The following GREB1 variants were observed in gnomAD, a reference collection of about 807,000 sequenced individuals.
GREB1 encodes protein GREB1.
GREB1 carries 106 observed loss-of-function variants against 200.7 expected under a neutral mutation model. The observed-to-expected ratio is 0.53, with a 90% CI of 0.45 to 0.62. The LOEUF is 0.62. Ranked by LOEUF, GREB1 falls within the 20% of genes least tolerant of loss-of-function variation. The probability of loss-of-function intolerance (pLI) is 0.00; values close to 1 mark genes in which losing one functional copy is unlikely to be tolerated. For synonymous variants in GREB1, 1,132 were observed against 1,092.4 expected (o/e 1.04, Z -0.72); for missense variants, 2,243 against 2,556.8 (o/e 0.88, Z 2.65).
At chr2:11,620,816 A>T (rs1216297367) in intron 22 of GREB1, 89 bp from the exon 23 acceptor site, 1 of 733,198 alleles carries the variant, frequency 1.4e-6, no homozygotes, top group African/African-American at 1.7e-5. Context: ...AGTGAGGCAG[A>T]TGTCAGGAGC....
Position 11,593,066 on chromosome 2 carries a change from T to C in GREB1, c.1636T>C (p.Tyr546His). The change falls in exon 11 of 33, where the codon TAC (tyrosine) becomes CAC (histidine). Residue 546 changes from tyrosine (Y) to histidine (H), a missense_variant. By Grantham distance (83) the Tyr-to-His change is moderately conservative. Around this residue, in one of 3 missense-constraint regions of GREB1, gnomAD observed 1,178 missense variants for 1,387.4 expected, o/e 0.85. Transcript: ENST00000381486. Reference protein sequence around the residue: ...LVEGKLAKTNYVVIICACRSA... With the variant: ...LVEGKLAKTNHVVIICACRSA... ...CGAGGGCAAGCTTGCCAAGACCAAC[T>C]ACGTGGTCATCATCTGCGCCTGCCG... is the stretch of plus-strand genomic sequence containing the variant. 1.9e-6 allele frequency: 3 copies of C among 1,612,512 alleles called. No individual in the cohort carries two copies. Among genetic ancestry groups the C allele is most frequent in the Non-Finnish European group, 2.5e-6 (3 of 1,179,680 alleles).
intron 4 of GREB1, among the ~76,000 whole-genome samples, chr2:11,573,467 T>C (rs1678519982): frequency 6.6e-6 from 1 of 152,188 alleles, no homozygotes; most frequent in African/African-American, 2.4e-5. Context: ...TTTCTAGACT[T>C]TCAAGTCCTA....
chr2:11,635,050 G>A (rs1685199163), intron 29 of GREB1, among the ~76,000 whole-genome samples: 1 of 152,226 alleles, frequency 6.6e-6, no homozygotes, highest in Non-Finnish European at 1.5e-5. Context: ...GGTACACACT[G>A]CCTTTCCTGT....
chr2:11,597,926 T>C lies in GREB1; in HGVS notation c.2100T>C (p.Ile700=), dbSNP rs746461648. Residue 700 remains isoleucine (I), a synonymous_variant, in exon 14 of 33, where the codon ATT becomes ATC. Transcript: ENST00000381486. The surrounding 1 kb of genome is among the most constrained non-coding windows in gnomAD (Gnocchi z 4.1). ...SFEKVDFLIC[I]PPSEVTYQQT... Reference sequence around the variant, plus strand: ...AGAAGGTGGACTTTCTCATTTGCATTCCCCCCTCAGAAGTGACCTACCAGC... The same window carrying C: ...AGAAGGTGGACTTTCTCATTTGCATCCCCCCCTCAGAAGTGACCTACCAGC... The C allele has an allele frequency of 2.5e-6, 4 of 1,613,918 alleles. No individual in the cohort carries two copies. The African/African-American group carries it at 4.0e-5, about 16-fold the overall frequency.
At chr2:11,504,730 A>T (rs1159020031) in intron 1 of GREB1, among the ~76,000 whole-genome samples, 2 of 152,228 alleles carry the variant, frequency 1.3e-5, no homozygotes, top group East Asian at 3.8e-4. Flanking sequence ...GTATGGATAG[A>T]TCACATTTTG....
chr2:11,637,769 C>G lies in GREB1; in HGVS notation c.5400C>G (p.Asp1800Glu), dbSNP rs974104510. ...VVPAQYICAP[D>E]SKHTFLAAPA... Reference sequence around the variant, plus strand: ...CGGCCCAGTACATCTGTGCCCCGGACAGCAAGCACACGTTCCTCGCAGCGC... The same window carrying G: ...CGGCCCAGTACATCTGTGCCCCGGAGAGCAAGCACACGTTCCTCGCAGCGC... The change falls in exon 31 of 33, where the codon GAC becomes GAG. Residue 1800 changes from aspartate to glutamate, a missense_variant. Asp to Glu is a conservative substitution (Grantham distance 45, BLOSUM62 2). Coordinates refer to ENST00000381486, the MANE Select transcript of GREB1 (RefSeq NM_014668.4). 1 of 1,614,050 alleles carries G rather than the reference C, an allele frequency of 6.2e-7. No homozygotes were observed. The highest frequency in any genetic ancestry group is 8.5e-7 in the Non-Finnish European group (1 of 1,180,042).
intron 9 of GREB1, chr2:11,587,823 G>GGT (rs1680320209): frequency 1.9e-6 from 2 of 1,053,360 alleles, no homozygotes; most frequent in Non-Finnish European, 2.3e-6. Context: ...CGGAGACTGA[G>GGT]GTTTAGGGCA....
intron 13 of GREB1, 42 bp downstream of exon 13, chr2:11,596,281 AAGT>A (rs1393709425): frequency 1.9e-6 from 3 of 1,585,172 alleles, no homozygotes; most frequent in Non-Finnish European, 2.6e-6. Flanking sequence ...AGAGGGTACA[AAGT>A]AGTGATGAGG....
chr2:11,602,882 TTTG>T (rs146370871), intron 17 of GREB1, among the ~76,000 whole-genome samples: 3,250 of 152,346 alleles, frequency 0.021, 123 homozygotes, highest in African/African-American at 0.073. Flanking sequence ...CATAGTCAGC[TTTG>T]TTTTTATTTC....
At chr2:11,537,002 G>T (rs149956538) in intron 1 of GREB1, among the ~76,000 whole-genome samples, 15 of 151,778 alleles carry the variant, frequency 9.9e-5, no homozygotes, top group Non-Finnish European at 1.8e-4. Context: ...CACTCTTGTC[G>T]CCCAGGCTGG....
rs529473073 is a variant in GREB1 at position 11,578,320 on chromosome 2, G to T, written c.661G>T (p.Ala221Ser). Residue 221 changes from alanine (A) to serine (S), a missense_variant, in exon 6 of 33, where the codon GCC becomes TCC. This residue lies in a region of GREB1 where 1,178 missense variants were observed against 1,387.4 expected (regional missense o/e 0.85). Coordinates refer to ENST00000381486, the MANE Select transcript of GREB1 (RefSeq NM_014668.4). ...AGAGTTTAGAAGCCGGCAGATCCCC[G>T]CCAGTACTTGTTCCAGTTCCCTCTT... ...GSEFRSRQIPASTCSSSLFPA... is the reference protein window; with the variant it reads ...GSEFRSRQIPSSTCSSSLFPA... 5.0e-6 allele frequency: 8 copies of T among 1,613,844 alleles called. No individual in the cohort carries two copies. The South Asian group carries it at 6.6e-5, about 13-fold the overall frequency.
chr2:11,563,554 C>T (rs1419146855), intron 3 of GREB1, among the ~76,000 whole-genome samples: 11 of 152,182 alleles, frequency 7.2e-5, no homozygotes, highest in East Asian at 1.9e-4. Flanking sequence ...CAGTTAGTGG[C>T]GAGAACATCA....
intron 1 of GREB1, among the ~76,000 whole-genome samples, chr2:11,489,327 C>T (rs775756642): frequency 2.0e-5 from 3 of 151,818 alleles, no homozygotes; most frequent in South Asian, 2.1e-4. Context: ...GGCGTGGTGG[C>T]GCGTGCCTGT....
chr2:11,537,864 T>G (rs566228300), intron 1 of GREB1, among the ~76,000 whole-genome samples: 2 of 151,846 alleles, frequency 1.3e-5, no homozygotes, highest in Non-Finnish European at 2.9e-5. Context: ...CTACCTATCT[T>G]TCTATACAGT....
rs1679102616 is a variant in GREB1, at chr2:11,578,383, C to T, written c.724C>T (p.Pro242Ser). Residue 242 changes from proline (P) to serine (S), a missense_variant, in exon 6 of 33, where the codon CCC becomes TCC. Around this residue, in one of 3 missense-constraint regions of GREB1, gnomAD observed 1,178 missense variants for 1,387.4 expected, o/e 0.85. Coordinates refer to ENST00000381486, the MANE Select transcript of GREB1 (RefSeq NM_014668.4). ...LESTAAFPSE[P>S]VPGTNPSILM... ...GAGCACGGCTGCCTTCCCCAGCGAGCCCGTTCCTGGGACGAACCCCAGCAT... is the reference window on the plus strand; with the variant it reads ...GAGCACGGCTGCCTTCCCCAGCGAGTCCGTTCCTGGGACGAACCCCAGCAT... The T allele has an allele frequency of 6.2e-7, 1 of 1,614,040 alleles. No individual in the cohort carries two copies. The highest frequency in any genetic ancestry group is 8.5e-7 in the Non-Finnish European group (1 of 1,180,022).
chr2:11,583,751 C>T (rs941289059), intron 7 of GREB1, among the ~76,000 whole-genome samples: 5 of 151,992 alleles, frequency 3.3e-5, no homozygotes, highest in East Asian at 1.9e-4. Flanking sequence ...CCCAGCTACT[C>T]GGGAGACTGA....
chr2:11,603,100 C>T (rs563998142), intron 17 of GREB1, among the ~76,000 whole-genome samples: 71 of 152,310 alleles, frequency 4.7e-4, no homozygotes, highest in African/African-American at 1.7e-3. Flanking sequence ...TGGGTGAGAA[C>T]CCAGAGTCAA....
At chr2:11,512,268 A>G (rs1262647558) in intron 1 of GREB1, among the ~76,000 whole-genome samples, 3 of 152,176 alleles carry the variant, frequency 2.0e-5, no homozygotes. Context: ...CTGGGGAGGA[A>G]TTTGTGTCTT....
chr2:11,636,708 G>T (rs899855032), intron 30 of GREB1, among the ~76,000 whole-genome samples: 1 of 152,100 alleles, frequency 6.6e-6, no homozygotes, highest in South Asian at 2.1e-4. Context: ...AGTGAGCCAC[G>T]TGCCCAGGCA....
Sources: gnomAD v4.1 joint callset for allele counts (sites outside exome capture counted in the v4.1 genomes callset) on GRCh38, gnomAD v4.1.1 for gene constraint, gnomAD v4.1.1 regional missense constraint, Gnocchi (gnomAD v3.1) non-coding constraint, MANE v1.5 for transcripts, NCBI Gene and HGNC (gene_info 2026-07-23, HGNC 2026-07-21) for gene names.